ZNF862: variants seen among roughly 807,000 people sequenced by gnomAD.
ZNF862 encodes the protein zinc finger protein 862.
Under a neutral mutation model 91.1 loss-of-function variants are expected in ZNF862, and 64 were observed. The ratio of observed to expected loss-of-function variants is 0.70; its 90% CI spans 0.57 to 0.87. The LOEUF (loss-of-function observed/expected upper bound fraction) is 0.87, where lower values mean the gene tolerates loss of function less well. Ranked by LOEUF, ZNF862 falls within the 40% of genes least tolerant of loss-of-function variation. The pLI is 0.00. For missense variants in ZNF862, 1,459 were observed against 1,528.0 expected (o/e 0.95, Z 0.75); for synonymous variants, 631 against 618.1 (o/e 1.02, Z -0.31).
chr7:149,847,228 T>C (rs1801901074), intron 3 of ZNF862, among the ~76,000 whole-genome samples: 1 of 152,206 alleles, frequency 6.6e-6, no homozygotes, highest in African/African-American at 2.4e-5. Flanking sequence ...CATCCAGTAC[T>C]TTGAGGTAGA....
chr7:149,841,623 A>G lies in ZNF862; in HGVS notation c.24+2988A>G, dbSNP rs1037709178. On this transcript the variant is annotated intron_variant, in intron 1 of 7. Transcript: ENST00000223210. ...TTGCTGCAAGGTGTGGGTGCTCTGA[A>G]GAACACTGCAGCCCGCCACCTCATG... 4 of 985,406 alleles carry G rather than the reference A, an allele frequency of 4.1e-6. No homozygotes were observed. In the African/African-American group the frequency reaches 7.0e-5, roughly 17 times the overall value. The allele number at this position is 985,406 out of a possible 1,614,324, so 61.0% of individuals were successfully genotyped here.
At chr7:149,864,037 C>T in intron 7 of ZNF862, 72 bp from the exon 8 acceptor site, 5 of 1,486,550 alleles carry the variant, frequency 3.4e-6, no homozygotes, top group Non-Finnish European at 4.5e-6. Context: ...CCAAACAGCC[C>T]CTGGGCGAAG....
At chr7:149,838,761 G>C (rs1801606111) in intron 1 of ZNF862, 126 bp downstream of exon 1, 1 of 598,044 alleles carries the variant, frequency 1.7e-6, no homozygotes. Context: ...AGGACTCGCC[G>C]GCCCGCCCTC....
chr7:149,863,564 TG>T (rs1188608258), intron 7 of ZNF862, among the ~76,000 whole-genome samples: 2 of 152,230 alleles, frequency 1.3e-5, no homozygotes, highest in Non-Finnish European at 2.9e-5. Flanking sequence ...CTGGGTGAGT[TG>T]CTCTGTGTCC....
intron 3 of ZNF862, among the ~76,000 whole-genome samples, chr7:149,847,443 A>G (rs1801906914): frequency 6.6e-6 from 1 of 152,174 alleles, no homozygotes; most frequent in East Asian, 1.9e-4. Context: ...ATCAGATTGC[A>G]AAGACTTCCT....
intron 5 of ZNF862, among the ~76,000 whole-genome samples, chr7:149,854,546 C>T (rs952807148): frequency 1.3e-5 from 2 of 152,096 alleles, no homozygotes; most frequent in Non-Finnish European, 2.9e-5. Context: ...CAAAGGACTG[C>T]AGACTCATGT....
At position 149,850,599 on chromosome 7, in the gene ZNF862, T is replaced by G; in HGVS notation, c.1117+261T>G. ...CTATGTGCCAGATGAACACAGCTGA[T>G]CCATGGTCTCTGCTTTCAAGGGCCT... On this transcript the variant is annotated intron_variant, in intron 5 of 7. Coordinates refer to ENST00000223210, the MANE Select transcript of ZNF862 (RefSeq NM_001099220.3). This position sits in a 1 kb window ranked among gnomAD's most constrained non-coding sequence, Gnocchi z 4.2. 1 of 415,240 alleles carries G rather than the reference T, an allele frequency of 2.4e-6. No homozygotes were observed. Among genetic ancestry groups the G allele is most frequent in the Non-Finnish European group, 4.3e-6 (1 of 231,278 alleles). 25.7% of individuals were successfully genotyped at this position (415,240 alleles called of 1,614,324 possible).
At chr7:149,840,191 A>T (rs1479254033) in intron 1 of ZNF862, among the ~76,000 whole-genome samples, 11 of 76,730 alleles carry the variant, frequency 1.4e-4, no homozygotes, top group African/African-American at 7.0e-4. Flanking sequence ...AAAAAGTAAA[A>T]AAAAAAAAAA....
rs772617375 is a variant in ZNF862, at chr7:149,861,399, G to A, written c.2239G>A (p.Asp747Asn). The A allele has an allele frequency of 4.3e-6, 7 of 1,613,164 alleles. No homozygotes were observed. In the Admixed American group the frequency reaches 6.7e-5, roughly 15 times the overall value. Reference sequence around the variant, plus strand: ...GAGCATCGATCTGGTGAAGAAGTGTGACCGGCACATCCGCACCGTCTTCAA... The same window carrying A: ...GAGCATCGATCTGGTGAAGAAGTGTAACCGGCACATCCGCACCGTCTTCAA... ...CGSIDLVKKC[D>N]RHIRTVFKFY... The change falls in exon 7 of 8, where the codon GAC becomes AAC. Residue 747 changes from aspartate (D) to asparagine (N), a missense_variant. Asp to Asn is a conservative substitution (Grantham distance 23, BLOSUM62 1). Coordinates refer to ENST00000223210, the MANE Select transcript of ZNF862 (RefSeq NM_001099220.3). This position sits in a 1 kb window ranked among gnomAD's most constrained non-coding sequence, Gnocchi z 6.7.
intron 5 of ZNF862, among the ~76,000 whole-genome samples, chr7:149,854,418 G>A (rs1002974726): frequency 3.9e-5 from 6 of 152,234 alleles, no homozygotes; most frequent in African/African-American, 1.4e-4. Flanking sequence ...TTGGGGACAA[G>A]TGAAGAAATT....
Position 149,861,231 on chromosome 7 carries a change from G to C in ZNF862, c.2071G>C (p.Val691Leu), listed in dbSNP as rs1404402918. 2 of 1,612,196 alleles carry C rather than the reference G, an allele frequency of 1.2e-6. No individual in the cohort carries two copies. The highest frequency in any genetic ancestry group is 1.7e-6 in the Non-Finnish European group (2 of 1,179,576). ...LDIPFRKPGWVVGLGTDGSAM... is the reference protein window; with the variant it reads ...LDIPFRKPGWLVGLGTDGSAM... ...CATCCCCTTCCGGAAGCCTGGCTGGGTGGTGGGGCTGGGGACGGATGGCTC... is the reference window on the plus strand; with the variant it reads ...CATCCCCTTCCGGAAGCCTGGCTGGCTGGTGGGGCTGGGGACGGATGGCTC... The change falls in exon 7 of 8, where the codon GTG becomes CTG. Residue 691 changes from valine (V) to leucine (L), a missense_variant. Coordinates refer to ENST00000223210, the MANE Select transcript of ZNF862 (RefSeq NM_001099220.3). This position sits in a 1 kb window ranked among gnomAD's most constrained non-coding sequence, Gnocchi z 6.7.
At chr7:149,852,364 TGTGTGTGTGAGA>T (rs1396032785) in intron 5 of ZNF862, among the ~76,000 whole-genome samples, 3 of 138,352 alleles carry the variant, frequency 2.2e-5, no homozygotes, top group Non-Finnish European at 3.3e-5. Context: ...TGTGTGTGTG[TGTGTGTGTGAGA>T]GAGAGAGAGA....
chr7:149,853,691 A>G (rs1802151301), intron 5 of ZNF862, among the ~76,000 whole-genome samples: 2 of 152,132 alleles, frequency 1.3e-5, no homozygotes, highest in Non-Finnish European at 2.9e-5. Context: ...TAATCCCAGC[A>G]CTTTGGGAGA....
intron 7 of ZNF862, 72 bp from the exon 8 acceptor site, chr7:149,864,037 C>G (rs1371164892): frequency 6.7e-7 from 1 of 1,486,432 alleles, no homozygotes; most frequent in African/African-American, 1.4e-5. Flanking sequence ...CCAAACAGCC[C>G]CTGGGCGAAG....
In ZNF862 at chr7:149,848,439, C is replaced by A. The variant is rs893091500; in HGVS notation, c.939+7C>A. ...AGTAGAATCCTGCATTCAGGTAATACGTTTATAATGATTGCTGTATCTTAC... is the reference window on the plus strand; with the variant it reads ...AGTAGAATCCTGCATTCAGGTAATAAGTTTATAATGATTGCTGTATCTTAC... On this transcript the variant is annotated splice_region_variant and intron_variant, in intron 4 of 7. Coordinates refer to ENST00000223210, the MANE Select transcript of ZNF862 (RefSeq NM_001099220.3). The A allele has an allele frequency of 5.3e-6, 8 of 1,498,408 alleles. No homozygotes were observed. Among genetic ancestry groups the A allele is most frequent in the Non-Finnish European group, 2.7e-6 (3 of 1,120,084 alleles). 92.8% of individuals were successfully genotyped at this position (1,498,408 alleles called of 1,614,324 possible).
At chr7:149,854,936 C>T (rs765768575) in intron 5 of ZNF862, among the ~76,000 whole-genome samples, 9 of 152,322 alleles carry the variant, frequency 5.9e-5, no homozygotes, top group African/African-American at 1.7e-4. Context: ...TGCAAGGTAA[C>T]GTGATGACAG....
Position 149,848,224 on chromosome 7 carries a change from C to A in ZNF862, c.731C>A (p.Pro244His). The A allele has an allele frequency of 6.2e-7, 1 of 1,613,832 alleles. No individual in the cohort carries two copies. Among genetic ancestry groups the A allele is most frequent in the East Asian group, 2.2e-5 (1 of 44,874 alleles). Reference protein sequence around the residue: ...LFTADCPIFYPPGPLGGFDSM... With the variant: ...LFTADCPIFYHPGPLGGFDSM... ...ACTGCAGATTGCCCCATATTCTACC[C>A]CCCAGGGCCTCTGGGAGGATTTGAT... The change falls in exon 4 of 8, where the codon CCC becomes CAC. Residue 244 changes from proline to histidine, a missense_variant. Transcript: ENST00000223210.
rs888337819 is a variant in ZNF862, at chr7:149,855,104, A to G, written c.1118-4318A>G. ...ATGAAGTATTTAGGAATAAAGGGACATGCAAACAATTTACTCTCAAATGGT... is the reference window on the plus strand; with the variant it reads ...ATGAAGTATTTAGGAATAAAGGGACGTGCAAACAATTTACTCTCAAATGGT... On this transcript the variant is annotated intron_variant, in intron 5 of 7. Transcript: ENST00000223210. This position sits in a 1 kb window ranked among gnomAD's most constrained non-coding sequence, Gnocchi z 4.1. Among the ~76,000 whole-genome samples the G allele has an allele frequency of 2.6e-5, 4 of 152,232 alleles. No individual in the cohort carries two copies. Among genetic ancestry groups the G allele is most frequent in the African/African-American group, 9.6e-5 (4 of 41,462 alleles).
chr7:149,846,588 A>T (rs1490252053), intron 3 of ZNF862, among the ~76,000 whole-genome samples: 2 of 139,370 alleles, frequency 1.4e-5, no homozygotes, highest in African/African-American at 5.6e-5. Context: ...ACAGTAGATA[A>T]TCACTGAATG....
Sources: gnomAD v4.1 joint callset for allele counts (sites outside exome capture counted in the v4.1 genomes callset) on GRCh38, gnomAD v4.1.1 for gene constraint, Gnocchi (gnomAD v3.1) non-coding constraint, MANE v1.5 for transcripts, NCBI Gene and HGNC (gene_info 2026-07-23, HGNC 2026-07-21) for gene names.